The following SF3B2 variants were observed in gnomAD, a reference collection of about 807,000 sequenced individuals.
SF3B2 encodes the protein splicing factor 3b subunit 2, also known as SAP 145.
A neutral mutation model predicts 116.3 loss-of-function variants in SF3B2; 22 were observed. The observed-to-expected ratio is 0.19, with a 90% CI of 0.14 to 0.27. The LOEUF is 0.27. Ranked by LOEUF, SF3B2 falls within the 10% of genes least tolerant of loss-of-function variation. The probability of loss-of-function intolerance (pLI) is 1.00; values close to 1 mark genes in which losing one functional copy is unlikely to be tolerated. For synonymous variants in SF3B2, 406 were observed against 421.6 expected, an observed-to-expected ratio of 0.96 and a Z score of 0.45; for missense variants, 767 against 1,151.4, an observed-to-expected ratio of 0.67 and a Z score of 4.83.
intron 19 of SF3B2, chr11:66,064,568 A>G (rs1338736669): frequency 6.6e-6 from 1 of 152,252 alleles, no homozygotes; most frequent in Non-Finnish European, 1.5e-5. Flanking sequence ...TTAAATAAGA[A>G]TCATGCATGA....
At chr11:66,061,377 G>A (rs373357508) in intron 14 of SF3B2, among the ~76,000 whole-genome samples, 61 of 152,292 alleles carry the variant, frequency 4.0e-4, no homozygotes, top group South Asian at 2.5e-3. Flanking sequence ...CCTTGAAATC[G>A]TAGTCACCAT....
intron 16 of SF3B2, 57 bp downstream of exon 16, chr11:66,062,055 ATTTG>A (rs1188166715): frequency 2.7e-5 from 35 of 1,293,948 alleles, no homozygotes; most frequent in East Asian, 1.2e-4. Context: ...CTGGAAGGTA[ATTTG>A]TTTGTTTTCC....
At position 66,061,952 on chromosome 11, in the gene SF3B2, C is replaced by T. The variant is rs1431935302; in HGVS notation, c.1931C>T (p.Ser644Leu). ...IAMQRYGPPPSYPNLKIPGLN... is the reference protein window; with the variant it reads ...IAMQRYGPPPLYPNLKIPGLN... ...ATGCAGCGATATGGACCACCCCCAT[C>T]GTATCCCAACCTGAAAATCCCTGGG... is the stretch of plus-strand genomic sequence containing the variant. The change falls in exon 16 of 22, where the codon TCG becomes TTG. Residue 644 changes from serine to leucine, a missense_variant. Around this residue, in one of 4 missense-constraint regions of SF3B2, gnomAD observed 282 missense variants for 568.0 expected, o/e 0.50. Transcript: ENST00000322535. 4 of 1,613,588 alleles carry T rather than the reference C, an allele frequency of 2.5e-6. No homozygotes were observed. The highest frequency in any genetic ancestry group is 2.2e-5 in the East Asian group (1 of 44,884).
intron 17 of SF3B2, 68 bp downstream of exon 17, chr11:66,063,184 C>G: frequency 1.6e-6 from 2 of 1,256,026 alleles, no homozygotes; most frequent in Non-Finnish European, 2.3e-6. Flanking sequence ...TGGTTTATAG[C>G]TTCATTATCA....
chr11:66,068,941 C>A lies in SF3B2; in HGVS notation c.*196C>A. On this transcript the variant is annotated 3_prime_UTR_variant, in exon 22 of 22. Transcript: ENST00000322535. ...AGCCTCCCTCATCTCCTTTTAGCCC[C>A]TTCTTGCAAAAGGACTAAAATAGTC... 3.6e-6 allele frequency: 2 copies of A among 557,546 alleles called. No individual in the cohort carries two copies. The highest frequency in any genetic ancestry group is 3.1e-5 in the Admixed American group (1 of 32,722). The allele number at this position is 557,546 out of a possible 1,614,324, so 34.5% of individuals were successfully genotyped here.
Position 66,058,862 on chromosome 11 carries a change from G to A in SF3B2, c.999G>A (p.Lys333=). Residue 333 remains lysine (K), a synonymous_variant, in exon 10 of 22, where the codon AAG becomes AAA. Transcript: ENST00000322535. The stretch of plus-strand genomic sequence containing the variant: ...GGAAGCGTAGGAACCGAAAGAAGAA[G>A]AAAAAGCCCCAGCGGGTGCGAGGGG... The part of the protein sequence containing the change: ...KNRKRRNRKK[K]KKPQRVRGVS... 1 of 1,612,504 alleles carries A rather than the reference G, an allele frequency of 6.2e-7. No individual in the cohort carries two copies. The highest frequency in any genetic ancestry group is 8.5e-7 in the Non-Finnish European group (1 of 1,179,706).
At chr11:66,052,856 G>T (rs910147890) in intron 2 of SF3B2, 137 bp downstream of exon 2, 2 of 1,245,554 alleles carry the variant, frequency 1.6e-6, no homozygotes, top group Non-Finnish European at 2.3e-6. Flanking sequence ...GCTTGTTCTT[G>T]CCTTTGCCAG....
At chr11:66,068,114 T>C (rs1257461741) in intron 20 of SF3B2, 34 bp from the exon 21 acceptor site, 1 of 1,613,156 alleles carries the variant, frequency 6.2e-7, no homozygotes, top group Admixed American at 1.7e-5. Context: ...TCTCTGACTC[T>C]TTGGAGATGA....
In SF3B2 at chr11:66,055,282, A is replaced by G. The variant is rs765752959; in HGVS notation, c.465A>G (p.Ala155=). The part of the protein sequence containing the change: ...ERLKLAQQQA[A]LLMQQEERAK... ...TGAAGTTGGCTCAGCAGCAGGCGGC[A>G]TTGCTGATGCAGCAGGAGGAGCGTG... is the stretch of plus-strand genomic sequence containing the variant. Residue 155 remains alanine (A), a synonymous_variant, in exon 4 of 22, where the codon GCA becomes GCG. Coordinates refer to ENST00000322535, the MANE Select transcript of SF3B2 (RefSeq NM_006842.3). The G allele has an allele frequency of 3.7e-6, 6 of 1,613,484 alleles. No individual in the cohort carries two copies. In the Admixed American group the frequency reaches 5.0e-5, roughly 13 times the overall value.
intron 3 of SF3B2, chr11:66,053,339 T>C: frequency 1.9e-6 from 1 of 539,732 alleles, no homozygotes; most frequent in Non-Finnish European, 3.3e-6. Flanking sequence ...TTCAGTTCTC[T>C]CTTTGATGCT....
chr11:66,053,233 T>TG, intron 3 of SF3B2, 129 bp downstream of exon 3: 4 of 874,958 alleles, frequency 4.6e-6, no homozygotes, highest in East Asian at 2.4e-5. Context: ...CTGACCTGAG[T>TG]GGGGAAAAAA....
intron 6 of SF3B2, 115 bp from the exon 7 acceptor site, chr11:66,057,151 C>T (rs996105480): frequency 2.0e-5 from 18 of 879,098 alleles, no homozygotes; most frequent in Middle Eastern, 2.5e-4. Context: ...CCAAAAGCCA[C>T]GCCACGTGCC....
At chr11:66,060,515 G>A in intron 13 of SF3B2, 67 bp from the exon 14 acceptor site, 4 of 1,577,072 alleles carry the variant, frequency 2.5e-6, no homozygotes, top group Non-Finnish European at 3.5e-6. Context: ...TTTGGAGTTG[G>A]GAGCTGGATT....
Position 66,060,728 on chromosome 11 carries a change from T to C in SF3B2, c.1776T>C (p.Tyr592=). The change falls in exon 14 of 22, where the codon TAT becomes TAC. Residue 592 remains tyrosine (Y), a synonymous_variant. Coordinates refer to ENST00000322535, the MANE Select transcript of SF3B2 (RefSeq NM_006842.3). ...TGACCATCCATGGGGACCTGTACTA[T>C]GAGGTTCGGGAGGGGGCTGGGAGAG... The part of the protein sequence containing the change: ...PKLTIHGDLY[Y]EGKEFETRLK... 6.2e-7 allele frequency: 1 copy of C among 1,613,748 alleles called. No homozygotes were observed. The highest frequency in any genetic ancestry group is 1.3e-5 in the African/African-American group (1 of 75,022).
In SF3B2 at chr11:66,060,650, C is replaced by A; in HGVS notation, c.1698C>A (p.Ile566=). Residue 566 remains isoleucine, a synonymous_variant, in exon 14 of 22, where the codon ATC becomes ATA. Coordinates refer to ENST00000322535, the MANE Select transcript of SF3B2 (RefSeq NM_006842.3). The part of the protein sequence containing the change: ...KVRPKMGKID[I]DYQKLHDAFF... ...GGCCTAAGATGGGCAAAATTGACAT[C>A]GACTACCAGAAACTGCATGATGCCT... The A allele has an allele frequency of 1.9e-6, 3 of 1,614,156 alleles. No individual in the cohort carries two copies. Among genetic ancestry groups the A allele is most frequent in the Non-Finnish European group, 2.5e-6 (3 of 1,180,020 alleles).
At chr11:66,058,291 C>T in intron 8 of SF3B2, 23 bp from the exon 9 acceptor site, 1 of 1,608,138 alleles carries the variant, frequency 6.2e-7, no homozygotes, top group Non-Finnish European at 8.5e-7. Context: ...CGTGAAGACT[C>T]ATCACCACCT....
At chr11:66,062,138 T>A in intron 16 of SF3B2, 140 bp downstream of exon 16, 1 of 680,112 alleles carries the variant, frequency 1.5e-6, no homozygotes, top group Non-Finnish European at 2.5e-6. Flanking sequence ...ATTTGTCATA[T>A]ACCATGTGTA....
chr11:66,063,724 G>A lies in SF3B2; in HGVS notation c.2325G>A (p.Met775Ile). The A allele has an allele frequency of 6.2e-7, 1 of 1,610,194 alleles. No homozygotes were observed. The highest frequency in any genetic ancestry group is 8.5e-7 in the Non-Finnish European group (1 of 1,178,518). Residue 775 changes from methionine (M) to isoleucine (I), a missense_variant, in exon 19 of 22, where the codon ATG (methionine) becomes ATA (isoleucine). Coordinates refer to ENST00000322535, the MANE Select transcript of SF3B2 (RefSeq NM_006842.3). ...GGAAGAAGAAGATTGAGGAGGCGAT[G>A]GACGGGTAAGGGTACCAGACAGGGC... ...ELRKKKIEEA[M>I]DGSETPQLFT...
At chr11:66,060,283 CAGG>C (rs1314360866) in intron 13 of SF3B2, among the ~76,000 whole-genome samples, 1 of 152,160 alleles carries the variant, frequency 6.6e-6, no homozygotes, top group Non-Finnish European at 1.5e-5. Context: ...GCTTTGAATT[CAGG>C]AGGTAGAAAA....
Sources: gnomAD v4.1 joint callset for allele counts (sites outside exome capture counted in the v4.1 genomes callset) on GRCh38, gnomAD v4.1.1 for gene constraint, gnomAD v4.1.1 regional missense constraint, MANE v1.5 for transcripts, NCBI Gene and HGNC (gene_info 2026-07-23, HGNC 2026-07-21) for gene names.